CSMD1: variants seen among roughly 807,000 people sequenced by gnomAD.
The protein encoded by CSMD1 is CUB and Sushi multiple domains 1.
A neutral mutation model predicts 417.5 loss-of-function variants in CSMD1; 213 were observed. That is an observed-to-expected ratio of 0.51 (90% CI 0.46 to 0.57). CSMD1 has a LOEUF of 0.57. CSMD1 is among the 20% of genes least tolerant of loss of function. The probability of loss-of-function intolerance (pLI) is 0.00; values close to 1 mark genes in which losing one functional copy is unlikely to be tolerated. For missense variants in CSMD1, 6,923 were observed against 4,529.7 expected (o/e 1.53, Z -15.17); for synonymous variants, 2,862 against 1,736.8 (o/e 1.65, Z -16.11).
At chr8:4,307,599 C>G (rs960302704) in intron 3 of CSMD1, among the ~76,000 whole-genome samples, 1 of 152,168 alleles carries the variant, frequency 6.6e-6, no homozygotes, top group African/African-American at 2.4e-5. Flanking sequence ...CCTCTGTACC[C>G]ACCCAACTTG....
chr8:3,439,685 C>G (rs185996645), intron 12 of CSMD1, among the ~76,000 whole-genome samples: 172 of 151,866 alleles, frequency 1.1e-3, no homozygotes, highest in African/African-American at 3.8e-3. Flanking sequence ...GTAAATAATT[C>G]CAATTGATGA....
chr8:4,165,441 A>C (rs1197938632), intron 3 of CSMD1, among the ~76,000 whole-genome samples: 2 of 152,196 alleles, frequency 1.3e-5, no homozygotes, highest in Non-Finnish European at 2.9e-5. Flanking sequence ...GTGTCATGCT[A>C]TGTCGCCCAG....
chr8:4,023,042 G>A (rs997837369), intron 4 of CSMD1, among the ~76,000 whole-genome samples: 5 of 152,174 alleles, frequency 3.3e-5, no homozygotes, highest in African/African-American at 1.2e-4. Context: ...GCTCACAGAT[G>A]CTTCCATTTC....
At chr8:4,606,935 A>G (rs948135696) in intron 2 of CSMD1, among the ~76,000 whole-genome samples, 1 of 152,226 alleles carries the variant, frequency 6.6e-6, no homozygotes, top group Non-Finnish European at 1.5e-5. Context: ...GTACATGAGT[A>G]GATATAATTC....
rs574389560 is a variant in CSMD1 at position 3,520,657 on chromosome 8, TTTTG to T, written c.1345-26935_1345-26932del. ...GGTTCACCTGCATCTCCGGGTCCTC[TTTTG>T]TTTGTTTATTTGTTTCTTTAAGTCT... is the stretch of plus-strand genomic sequence containing the variant. On this transcript the variant is annotated intron_variant, in intron 10 of 69. Coordinates refer to ENST00000635120, the MANE Select transcript of CSMD1 (RefSeq NM_033225.6). 4.7e-4 allele frequency among the ~76,000 whole-genome samples: 71 copies of T among 152,222 alleles called. No homozygotes were observed. In the East Asian group the frequency reaches 9.1e-3, roughly 19 times the overall value.
intron 2 of CSMD1, among the ~76,000 whole-genome samples, chr8:4,605,742 G>T (rs979390222): frequency 6.6e-6 from 1 of 152,170 alleles, no homozygotes; most frequent in Admixed American, 6.5e-5. Flanking sequence ...TCTGTGACTT[G>T]TAAATCTGGG....
At chr8:3,450,897 T>A (rs186634511) in intron 12 of CSMD1, among the ~76,000 whole-genome samples, 33 of 151,966 alleles carry the variant, frequency 2.2e-4, no homozygotes, top group African/African-American at 8.0e-4. Context: ...CACACTGACT[T>A]CCACAATGGT....
At chr8:3,641,018 T>G (rs1797279599) in intron 7 of CSMD1, among the ~76,000 whole-genome samples, 2 of 148,052 alleles carry the variant, frequency 1.4e-5, no homozygotes, top group Admixed American at 1.3e-4. Flanking sequence ...TTGTGTTCCT[T>G]TTTTCCTTTT....
At chr8:3,008,310 G>A (rs1464510145) in intron 52 of CSMD1, among the ~76,000 whole-genome samples, 1 of 152,164 alleles carries the variant, frequency 6.6e-6, no homozygotes, top group Non-Finnish European at 1.5e-5. Flanking sequence ...TGAGTCTGAG[G>A]TTCATTAGGG....
Position 3,444,992 on chromosome 8 carries a change from C to G in CSMD1, c.1561+23720G>C, listed in dbSNP as rs549775830. ...ATGTCAGAAAAACTCAAACTCGAAC[C>G]TGTCCAAGCCTCTTTATCCAGTGCC... On this transcript the variant is annotated intron_variant, in intron 12 of 69. Transcript: ENST00000635120. 5.3e-5 allele frequency among the ~76,000 whole-genome samples: 8 copies of G among 152,286 alleles called. No individual in the cohort carries two copies. In the East Asian group the frequency reaches 1.5e-3, roughly 29 times the overall value.
At chr8:4,467,310 T>C (rs899688325) in intron 2 of CSMD1, among the ~76,000 whole-genome samples, 23 of 152,148 alleles carry the variant, frequency 1.5e-4, no homozygotes, top group African/African-American at 5.3e-4. Context: ...GAGGAGTCAC[T>C]ATACAGATTA....
chr8:3,860,617 CTATT>C (rs1467806222), intron 5 of CSMD1, among the ~76,000 whole-genome samples: 1 of 152,112 alleles, frequency 6.6e-6, no homozygotes, highest in Non-Finnish European at 1.5e-5. Context: ...ATAAGAGACA[CTATT>C]AGTTACAGTC....
intron 48 of CSMD1, among the ~76,000 whole-genome samples, chr8:3,090,316 CAAAAAAAAAAAA>C (rs35534326): frequency 1.8e-4 from 14 of 79,814 alleles, no homozygotes; most frequent in African/African-American, 4.6e-4. Flanking sequence ...GACTGTATTT[CAAAAAAAAAAAA>C]AAAAAAAAAA....
At chr8:4,253,113 G>C (rs1159722178) in intron 3 of CSMD1, among the ~76,000 whole-genome samples, 1 of 152,148 alleles carries the variant, frequency 6.6e-6, no homozygotes, top group African/African-American at 2.4e-5. Context: ...ATTATCTGTG[G>C]AACTGGATGG....
At chr8:4,848,209 A>G (rs990727159) in intron 1 of CSMD1, among the ~76,000 whole-genome samples, 2 of 152,178 alleles carry the variant, frequency 1.3e-5, no homozygotes, top group African/African-American at 4.8e-5. Context: ...CAGTTTGTCT[A>G]TCCTTTCATC....
chr8:4,235,751 A>T (rs1303813428), intron 3 of CSMD1, among the ~76,000 whole-genome samples: 1 of 152,150 alleles, frequency 6.6e-6, no homozygotes, highest in East Asian at 1.9e-4. Flanking sequence ...TGAGGAAAAA[A>T]TGTGTCCCCC....
At chr8:4,814,178 T>G (rs1276482424) in intron 1 of CSMD1, among the ~76,000 whole-genome samples, 6 of 152,146 alleles carry the variant, frequency 3.9e-5, no homozygotes, top group African/African-American at 1.2e-4. Flanking sequence ...TTAGGTTTCT[T>G]CCATCTTCAG....
At chr8:4,727,982 T>C (rs999030598) in intron 1 of CSMD1, among the ~76,000 whole-genome samples, 78 of 146,444 alleles carry the variant, frequency 5.3e-4, no homozygotes, top group Non-Finnish European at 8.7e-4. Flanking sequence ...TATATGTATA[T>C]ATATACAAAA....
intron 5 of CSMD1, among the ~76,000 whole-genome samples, chr8:3,880,132 T>C (rs771800168): frequency 6.6e-6 from 1 of 152,144 alleles, no homozygotes; most frequent in Non-Finnish European, 1.5e-5. Flanking sequence ...GTTTCTACTG[T>C]GACTGCTAGT....
Sources: gnomAD v4.1 joint callset for allele counts (sites outside exome capture counted in the v4.1 genomes callset) on GRCh38, gnomAD v4.1.1 for gene constraint, MANE v1.5 for transcripts, NCBI Gene and HGNC (gene_info 2026-07-23, HGNC 2026-07-21) for gene names.